SLC5A4: variants seen among roughly 807,000 people sequenced by gnomAD.
SLC5A4 encodes the protein probable glucose sensor protein SLC5A4.
SLC5A4 carries 55 observed loss-of-function variants against 70.3 expected under a neutral mutation model. The observed-to-expected ratio is 0.78, with a 90% confidence interval of 0.63 to 0.98. SLC5A4 has a LOEUF of 0.98. Ranked by LOEUF, SLC5A4 falls within the 50% of genes least tolerant of loss-of-function variation. The pLI is 0.00. For synonymous variants in SLC5A4, 268 were observed against 305.7 expected (o/e 0.88, Z 1.29); for missense variants, 735 against 839.2 (o/e 0.88, Z 1.53).
upstream of SLC5A4, among the ~76,000 whole-genome samples, chr22:32,256,359 G>GA (rs941023076): frequency 1.3e-5 from 2 of 152,008 alleles, no homozygotes; most frequent in Non-Finnish European, 2.9e-5. Context: ...AAACACACAT[G>GA]AAAAAACGGA....
At position 32,239,203 on chromosome 22, in the gene SLC5A4, C is replaced by T. The variant is rs549205121; in HGVS notation, c.478-113G>A. On this transcript the variant is annotated intron_variant, in intron 5 of 14. Coordinates refer to ENST00000266086, the MANE Select transcript of SLC5A4 (RefSeq NM_014227.3). ...CTTTTTCTGATAGACTCCTACTTACCCTTCAAGAATCCACTGAGATGGCCC... is the reference window on the plus strand; with the variant it reads ...CTTTTTCTGATAGACTCCTACTTACTCTTCAAGAATCCACTGAGATGGCCC... The T allele has an allele frequency of 1.6e-4, 125 of 773,750 alleles. 1 individual carries two copies. The East Asian group carries it at 3.2e-3, about 20-fold the overall frequency. 47.9% of individuals were successfully genotyped at this position (773,750 alleles called of 1,614,324 possible).
At chr22:32,348,645 T>C in the SLC5A4 span, among the ~76,000 whole-genome samples, 1 of 152,238 alleles carries the variant, frequency 6.6e-6, no homozygotes, top group African/African-American at 2.4e-5. Context: ...TTTATGAATC[T>C]ATCCAGTTTT....
At position 32,255,260 on chromosome 22, in the gene SLC5A4, G is replaced by A. The variant is rs779122889; in HGVS notation, c.70C>T (p.Arg24Ter). The change falls in exon 1 of 15, where the codon CGA becomes TGA. Residue 24 changes from arginine to a stop codon, truncating the protein, a stop_gained. Coordinates refer to ENST00000266086, the MANE Select transcript of SLC5A4 (RefSeq NM_014227.3). LOFTEE classifies it high-confidence loss of function. The part of the protein sequence containing the change: ...PEPPPLSDHI[R>*]NAADISVIVI... Reference sequence around the variant, plus strand: ...ATGACTGAGATGTCAGCAGCATTTCGGATGTGGTCAGACAATGGAGGTGGC... The same window carrying A: ...ATGACTGAGATGTCAGCAGCATTTCAGATGTGGTCAGACAATGGAGGTGGC... 1.2e-5 allele frequency: 19 copies of A among 1,614,062 alleles called. No individual in the cohort carries two copies. The Middle Eastern group carries it at 6.6e-4, about 56-fold the overall frequency.
At chr22:32,324,237 ATATG>A in the SLC5A4 span, among the ~76,000 whole-genome samples, 6 of 150,470 alleles carry the variant, frequency 4.0e-5, no homozygotes, top group East Asian at 2.0e-4. Context: ...ATGTGTATAC[ATATG>A]TATGTGTATA....
the SLC5A4 span, among the ~76,000 whole-genome samples, chr22:32,351,521 G>A: frequency 2.0e-5 from 3 of 151,384 alleles, no homozygotes; most frequent in Admixed American, 6.6e-5. Flanking sequence ...GGCCAACATG[G>A]CGAAACCCCA....
the SLC5A4 span, among the ~76,000 whole-genome samples, chr22:32,300,231 A>G: frequency 6.6e-6 from 1 of 151,902 alleles, no homozygotes; most frequent in East Asian, 1.9e-4. Context: ...AGCCTGGGCA[A>G]TGGGGGGCGC....
the SLC5A4 span, among the ~76,000 whole-genome samples, chr22:32,342,111 T>C: frequency 2.8e-4 from 42 of 152,220 alleles, no homozygotes; most frequent in Non-Finnish European, 5.0e-4. Context: ...AAATAAATGG[T>C]AGCAGGAATT....
At chr22:32,272,001 C>T in the SLC5A4 span, 1 of 617,846 alleles carries the variant, frequency 1.6e-6, no homozygotes, top group African/African-American at 1.8e-5. Flanking sequence ...GTGCATCCAC[C>T]CCCAGGAGGC....
At chr22:32,329,839 T>A in the SLC5A4 span, among the ~76,000 whole-genome samples, 1 of 10,928 alleles carries the variant, frequency 9.2e-5, no homozygotes, top group Non-Finnish European at 1.4e-4. Context: ...GGGGCTCTGG[T>A]GTGTGTGTGT....
At position 32,254,142 on chromosome 22, in the gene SLC5A4, C is replaced by T. The variant is rs937336878; in HGVS notation, c.207G>A (p.Pro69=). The T allele has an allele frequency of 2.1e-5, 34 of 1,611,922 alleles. No individual in the cohort carries two copies. Among genetic ancestry groups the T allele is most frequent in the Admixed American group, 1.5e-4 (9 of 59,994 alleles). The change falls in exon 2 of 15, where the codon CCG becomes CCA. Residue 69 remains proline (P), a splice_region_variant and synonymous_variant. Coordinates refer to ENST00000266086, the MANE Select transcript of SLC5A4 (RefSeq NM_014227.3). ...CTCCAGAAAACTTCGATCCACTTAC[C>T]GGCCACCAGGCCATATCACGACCAG... The part of the protein sequence containing the change: ...FLAGRDMAWW[P]MGASLFASNI...
At chr22:32,300,298 A>T in the SLC5A4 span, among the ~76,000 whole-genome samples, 3 of 149,762 alleles carry the variant, frequency 2.0e-5, no homozygotes, top group Non-Finnish European at 4.5e-5. Context: ...TGTGCTAGCT[A>T]GCAATCAGGG....
chr22:32,254,110 A>G (rs1927329444), intron 2 of SLC5A4, 32 bp downstream of exon 2: 1 of 1,572,664 alleles, frequency 6.4e-7, no homozygotes, highest in Non-Finnish European at 8.8e-7. Context: ...ACACACAGGA[A>G]ATTTATCTCC....
chr22:32,330,935 A>ATGTTGGGGGCTTTGGTGTGTG, the SLC5A4 span, among the ~76,000 whole-genome samples: 1 of 19,232 alleles, frequency 5.2e-5, no homozygotes, highest in African/African-American at 1.6e-4. Flanking sequence ...TCTGGTGTGT[A>ATGTTGGGGGCTTTGGTGTGTG]TGTGTTGGAG....
the SLC5A4 span, among the ~76,000 whole-genome samples, chr22:32,292,921 C>A: frequency 6.6e-6 from 1 of 152,074 alleles, no homozygotes; most frequent in Non-Finnish European, 1.5e-5. Flanking sequence ...ATAGTTCTAT[C>A]AGTTTTGCTA....
the SLC5A4 span, among the ~76,000 whole-genome samples, chr22:32,340,553 A>C: frequency 1.3e-5 from 2 of 152,140 alleles, no homozygotes; most frequent in Non-Finnish European, 2.9e-5. Flanking sequence ...GGACAAAGGG[A>C]GAGTGACGGG....
At chr22:32,304,191 A>G in the SLC5A4 span, among the ~76,000 whole-genome samples, 2 of 151,938 alleles carry the variant, frequency 1.3e-5, no homozygotes, top group African/African-American at 2.4e-5. Context: ...CAATGGTGCA[A>G]TCTCAGCCTA....
chr22:32,230,934 C>A, intron 10 of SLC5A4, 34 bp downstream of exon 10: 1 of 1,404,526 alleles, frequency 7.1e-7, no homozygotes. Context: ...TTAGACAGGC[C>A]TCTGGGGCTG....
chr22:32,254,795 C>T (rs1233274997), intron 1 of SLC5A4, among the ~76,000 whole-genome samples: 2 of 149,582 alleles, frequency 1.3e-5, no homozygotes, highest in Admixed American at 6.7e-5. Context: ...CAGAGCAAGA[C>T]TCCGTCTCAA....
rs752746214 is a variant in SLC5A4, at chr22:32,239,019, G to A, written c.549C>T (p.Ile183=). The A allele has an allele frequency of 6.2e-7, 1 of 1,613,896 alleles. No individual in the cohort carries two copies. The highest frequency in any genetic ancestry group is 1.3e-5 in the African/African-American group (1 of 75,032). The change falls in exon 6 of 15, where the codon ATC becomes ATT. Residue 183 remains isoleucine (I), a synonymous_variant. Transcript: ENST00000266086. ...TGTAAACAGCAGTCATAGCCAAGAG[G>A]ATGAAGATTGCCAGGTAAAGGTCCA... ...LGLDLYLAIF[I]LLAMTAVYTT...
Sources: allele counts gnomAD v4.1 joint callset (sites outside exome capture counted in the v4.1 genomes callset), GRCh38; gene constraint gnomAD v4.1.1; transcripts MANE v1.5; gene names NCBI Gene and HGNC (gene_info 2026-07-23, HGNC 2026-07-21).